Variants in NME8 observed in about 807,000 individuals in gnomAD.
The protein encoded by NME8 is protein NME8.
Under a neutral mutation model 82.3 loss-of-function variants are expected in NME8, and 72 were observed. The ratio of observed to expected loss-of-function variants is 0.87; its 90% CI spans 0.72 to 1.06. The LOEUF (loss-of-function observed/expected upper bound fraction) is 1.06. Among genes scored for constraint, NME8 ranks in the 50% least tolerant of loss-of-function variants. NME8 has a pLI of 0.00. For missense variants in NME8, 712 were observed against 685.4 expected, an observed-to-expected ratio of 1.04 and a Z score of -0.43; for synonymous variants, 267 against 228.5, an observed-to-expected ratio of 1.17 and a Z score of -1.52.
At chr7:37,890,813 C>G (rs1019048873) in intron 15 of NME8, among the ~76,000 whole-genome samples, 4 of 151,940 alleles carry the variant, frequency 2.6e-5, no homozygotes, top group African/African-American at 9.7e-5. Flanking sequence ...CTTTCATTAT[C>G]CATTCATCCA....
At chr7:37,868,830 T>C (rs1277103826) in intron 11 of NME8, among the ~76,000 whole-genome samples, 4 of 152,258 alleles carry the variant, frequency 2.6e-5, no homozygotes, top group Non-Finnish European at 5.9e-5. Flanking sequence ...AAAACGGTTG[T>C]ATATTTTTTG....
At chr7:37,854,141 GT>G in intron 5 of NME8, among the ~76,000 whole-genome samples, 1 of 151,998 alleles carries the variant, frequency 6.6e-6, no homozygotes, top group South Asian at 2.1e-4. Context: ...AACCTTATGG[GT>G]AACATAAACA....
intron 11 of NME8, among the ~76,000 whole-genome samples, chr7:37,875,450 T>C (rs113632293): frequency 1.4e-5 from 2 of 142,946 alleles, no homozygotes; most frequent in Non-Finnish European, 1.6e-5. Context: ...CCCACACACA[T>C]TGGGGGATGA....
intron 12 of NME8, among the ~76,000 whole-genome samples, chr7:37,882,609 G>A (rs58454368): frequency 0.21 from 11,608 of 54,242 alleles, 852 homozygotes; most frequent in East Asian, 0.4. Flanking sequence ...GAGAGAGAGA[G>A]AGAGAGAAAG....
At chr7:37,900,179 A>C (rs1402455895) in intron 17 of NME8, 65 bp from the exon 18 acceptor site, 1 of 152,190 alleles carries the variant, frequency 6.6e-6, no homozygotes, top group Non-Finnish European at 1.5e-5. Flanking sequence ...GAAACTGATA[A>C]ATGCTGAAAG....
At chr7:37,878,768 A>G (rs1784897213) in intron 12 of NME8, among the ~76,000 whole-genome samples, 1 of 152,220 alleles carries the variant, frequency 6.6e-6, no homozygotes, top group Non-Finnish European at 1.5e-5. Context: ...TAAGAAAAAT[A>G]CTACAGAGTT....
intron 5 of NME8, among the ~76,000 whole-genome samples, chr7:37,855,866 G>A (rs1784504508): frequency 6.6e-6 from 1 of 152,000 alleles, no homozygotes; most frequent in African/African-American, 2.4e-5. Flanking sequence ...AGATAAAAAG[G>A]TATTTCAGAA....
In NME8 at chr7:37,850,314, T is replaced by G. The variant is rs746181533; in HGVS notation, c.33+15T>G. ...TCCAGTTACAGGTGGGTCTGACATA[T>G]CAACAATTCTTTATCTGGTGCACTA... On this transcript the variant is annotated intron_variant, in intron 3 of 17. Coordinates refer to ENST00000199447, the MANE Select transcript of NME8 (RefSeq NM_016616.5). 5.6e-6 allele frequency: 9 copies of G among 1,614,166 alleles called. No individual in the cohort carries two copies. In the East Asian group the frequency reaches 2.0e-4, roughly 36 times the overall value.
Position 37,865,582 on chromosome 7 carries a change from C to A in NME8, c.586C>A (p.Gln196Lys). The A allele has an allele frequency of 6.2e-7, 1 of 1,613,232 alleles. No individual in the cohort carries two copies. Among genetic ancestry groups the A allele is most frequent in the East Asian group, 2.2e-5 (1 of 44,836 alleles). The stretch of plus-strand genomic sequence containing the variant: ...GCATAAGACAGTGCTCACTGAAGAA[C>A]AAGTTGTCAACTTCTATAGTCGAAT... ...AEHKTVLTEE[Q>K]VVNFYSRIAD... The change falls in exon 10 of 18, where the codon CAA becomes AAA. Residue 196 changes from glutamine (Q) to lysine (K), a missense_variant. Transcript: ENST00000199447.
intron 6 of NME8, among the ~76,000 whole-genome samples, chr7:37,860,216 C>T (rs926852889): frequency 2.0e-5 from 3 of 152,150 alleles, no homozygotes; most frequent in African/African-American, 7.2e-5. Flanking sequence ...TTTCTGATAG[C>T]ATATCCCTCT....
intron 12 of NME8, among the ~76,000 whole-genome samples, chr7:37,882,576 AAAG>A (rs1480629592): frequency 6.7e-5 from 3 of 45,034 alleles, no homozygotes; most frequent in Non-Finnish European, 9.2e-5. Context: ...AGAAAGAAAG[AAAG>A]AAAGAAAGAA....
At position 37,867,811 on chromosome 7, in the gene NME8, C is replaced by A. The variant is rs369365068; in HGVS notation, c.731C>A (p.Thr244Asn). Reference sequence around the variant, plus strand: ...CCCTCTGAAGAAACCGAACCACAGACTGACACCGAACCTAACGAACGATCT... The same window carrying A: ...CCCTCTGAAGAAACCGAACCACAGAATGACACCGAACCTAACGAACGATCT... The part of the protein sequence containing the change: ...NPPSEETEPQ[T>N]DTEPNERSED... The change falls in exon 11 of 18, where the codon ACT becomes AAT. Residue 244 changes from threonine (T) to asparagine (N), a missense_variant. By Grantham distance (65) the Thr-to-Asn change is moderately conservative. Coordinates refer to ENST00000199447, the MANE Select transcript of NME8 (RefSeq NM_016616.5). 1 of 1,613,836 alleles carries A rather than the reference C, an allele frequency of 6.2e-7. No individual in the cohort carries two copies. Among genetic ancestry groups the A allele is most frequent in the Non-Finnish European group, 8.5e-7 (1 of 1,179,896 alleles).
At position 37,894,605 on chromosome 7, in the gene NME8, A is replaced by G; in HGVS notation, c.1539A>G (p.Leu513=). ...TTTATAAAGATTTATTGGAAATGTT[A>G]TCTGTGTAAGTTTCTGATACATAAT... The part of the protein sequence containing the change: ...KDFYKDLLEM[L]SVGPSMVMIL... Residue 513 remains leucine (L), a synonymous_variant, in exon 16 of 18, where the codon TTA becomes TTG. Transcript: ENST00000199447. The G allele has an allele frequency of 6.3e-7, 1 of 1,586,182 alleles. No homozygotes were observed. Among genetic ancestry groups the G allele is most frequent in the Non-Finnish European group, 8.7e-7 (1 of 1,155,842 alleles).
rs1285897892 is a variant in NME8, at chr7:37,882,627, GAA to G, written c.995-1674_995-1673del. On this transcript the variant is annotated intron_variant, in intron 12 of 17. Coordinates refer to ENST00000199447, the MANE Select transcript of NME8 (RefSeq NM_016616.5). Reference sequence around the variant, plus strand: ...AGAGAGAGAGAGAGAAAGAAAGAAAGAAAGAAAGAAAGAAAGAGAAAGAAAGA... The same window carrying G: ...AGAGAGAGAGAGAGAAAGAAAGAAAGAGAAAGAAAGAAAGAGAAAGAAAGA... 2.0e-3 allele frequency among the ~76,000 whole-genome samples: 273 copies of G among 139,454 alleles called. 3 individuals carry two copies. Among genetic ancestry groups the G allele is most frequent in the East Asian group, 3.1e-3 (13 of 4,150 alleles). 91.5% of individuals were successfully genotyped at this position (139,454 alleles called of 152,430 possible).
intron 11 of NME8, among the ~76,000 whole-genome samples, chr7:37,875,686 A>C (rs1235675254): frequency 2.6e-5 from 4 of 152,166 alleles, no homozygotes; most frequent in African/African-American, 9.7e-5. Context: ...ATAAAGTATT[A>C]ACACTGATCA....
At chr7:37,884,040 A>G (rs1785004377) in intron 12 of NME8, among the ~76,000 whole-genome samples, 1 of 151,936 alleles carries the variant, frequency 6.6e-6, no homozygotes, top group South Asian at 2.1e-4. Flanking sequence ...ATTTAATGAG[A>G]TACCTGTGTG....
At chr7:37,866,525 C>T (rs1210437997) in intron 10 of NME8, among the ~76,000 whole-genome samples, 1 of 152,080 alleles carries the variant, frequency 6.6e-6, no homozygotes, top group African/African-American at 2.4e-5. Flanking sequence ...GGATTGGGCT[C>T]CAGAAATATG....
At chr7:37,900,070 A>G (rs942950143) in intron 17 of NME8, among the ~76,000 whole-genome samples, 174 bp from the exon 18 acceptor site, 4 of 152,266 alleles carry the variant, frequency 2.6e-5, no homozygotes, top group Admixed American at 2.6e-4. Flanking sequence ...TTGCTCTGTA[A>G]ATGTTTGATG....
chr7:37,862,294 G>A (rs773665380), intron 7 of NME8, 150 bp downstream of exon 7: 6 of 677,846 alleles, frequency 8.9e-6, no homozygotes, highest in South Asian at 3.4e-5. Flanking sequence ...TTTATTTGAT[G>A]TTATCCTAAG....
Sources: gnomAD v4.1 joint callset for allele counts (sites outside exome capture counted in the v4.1 genomes callset) on GRCh38, gnomAD v4.1.1 for gene constraint, MANE v1.5 for transcripts, NCBI Gene and HGNC (gene_info 2026-07-23, HGNC 2026-07-21) for gene names.